The following CTNND2 variants were observed in gnomAD, a reference collection of about 807,000 sequenced individuals.
CTNND2 encodes the protein catenin delta-2.
A neutral mutation model predicts 144.4 loss-of-function variants in CTNND2; 22 were observed. The ratio of observed to expected loss-of-function variants is 0.15; its 90% CI spans 0.11 to 0.22. CTNND2 has a LOEUF of 0.22. CTNND2 is among the 10% of genes least tolerant of loss of function. The pLI is 1.00. For synonymous variants in CTNND2, 751 were observed against 695.6 expected (o/e 1.08, Z -1.25); for missense variants, 1,353 against 1,618.8 (o/e 0.84, Z 2.82).
chr5:11,122,809 G>A (rs138767342), intron 12 of CTNND2, among the ~76,000 whole-genome samples: 15 of 152,060 alleles, frequency 9.9e-5, no homozygotes, highest in African/African-American at 2.7e-4. Flanking sequence ...GCACCGTCCC[G>A]TCGAAAAATG....
intron 2 of CTNND2, among the ~76,000 whole-genome samples, chr5:11,704,930 CAA>C (rs1310137869): frequency 2.0e-5 from 3 of 151,668 alleles, no homozygotes; most frequent in Admixed American, 6.6e-5. Flanking sequence ...TAAGGACACA[CAA>C]AGTCAGTGTG....
chr5:11,685,663 TC>T (rs1378553800), intron 2 of CTNND2, among the ~76,000 whole-genome samples: 1 of 152,190 alleles, frequency 6.6e-6, no homozygotes, highest in Non-Finnish European at 1.5e-5. Context: ...TAAGTTAAAT[TC>T]CATCAACAAA....
At chr5:11,204,616 T>C (rs1004489137) in intron 10 of CTNND2, among the ~76,000 whole-genome samples, 1 of 152,214 alleles carries the variant, frequency 6.6e-6, no homozygotes, top group Non-Finnish European at 1.5e-5. Flanking sequence ...CAATAGCATA[T>C]ATTTGCCAAT....
intron 2 of CTNND2, among the ~76,000 whole-genome samples, chr5:11,711,158 T>G (rs1786007774): frequency 6.6e-6 from 1 of 152,084 alleles, no homozygotes; most frequent in Non-Finnish European, 1.5e-5. Flanking sequence ...TGGGTTCAAG[T>G]GATTCTCCTG....
chr5:11,258,590 T>A (rs890738521), intron 9 of CTNND2, among the ~76,000 whole-genome samples: 6 of 152,230 alleles, frequency 3.9e-5, no homozygotes, highest in Admixed American at 2.0e-4. Flanking sequence ...TCGCTTTGTC[T>A]ACTCTTTTCA....
At chr5:11,822,322 C>A (rs982867802) in intron 1 of CTNND2, among the ~76,000 whole-genome samples, 7 of 152,184 alleles carry the variant, frequency 4.6e-5, no homozygotes, top group African/African-American at 1.7e-4. Flanking sequence ...AATAGTAATA[C>A]CTTTGGTTGA....
chr5:11,378,009 C>T (rs1035967120), intron 7 of CTNND2, among the ~76,000 whole-genome samples: 8 of 152,140 alleles, frequency 5.3e-5, no homozygotes, highest in African/African-American at 1.7e-4. Flanking sequence ...TCAGCAAAGG[C>T]AGACCTCATG....
rs542915851 is a variant in CTNND2 at position 11,673,345 on chromosome 5, T to C, written c.174+58791A>G. 2.7e-3 allele frequency among the ~76,000 whole-genome samples: 416 copies of C among 152,332 alleles called. 3 individuals carry two copies. Among genetic ancestry groups the C allele is most frequent in the African/African-American group, 9.5e-3 (394 of 41,580 alleles). On this transcript the variant is annotated intron_variant, in intron 2 of 21. Transcript: ENST00000304623. ...TTCTCTCTCAATTAATTTATAGATATAGCTATTATTACGCAGATGAATATC... is the reference window on the plus strand; with the variant it reads ...TTCTCTCTCAATTAATTTATAGATACAGCTATTATTACGCAGATGAATATC...
intron 1 of CTNND2, among the ~76,000 whole-genome samples, chr5:11,876,408 T>C (rs1238666762): frequency 1.3e-5 from 2 of 152,068 alleles, no homozygotes; most frequent in Non-Finnish European, 2.9e-5. Flanking sequence ...GGGTCAAAGG[T>C]GACTTGGGTC....
chr5:11,430,266 A>G (rs1763165569), intron 3 of CTNND2, among the ~76,000 whole-genome samples: 1 of 148,826 alleles, frequency 6.7e-6, no homozygotes, highest in Non-Finnish European at 1.5e-5. Flanking sequence ...AAAAAAAAAA[A>G]AAAAGGAGTT....
intron 16 of CTNND2, among the ~76,000 whole-genome samples, chr5:11,057,463 T>A (rs915459896): frequency 1.3e-5 from 2 of 152,264 alleles, no homozygotes; most frequent in Admixed American, 6.5e-5. Context: ...TCTTTTTGCC[T>A]GCTGCCATCC....
At chr5:11,134,622 G>C (rs548107666) in intron 12 of CTNND2, among the ~76,000 whole-genome samples, 1 of 152,146 alleles carries the variant, frequency 6.6e-6, no homozygotes. Flanking sequence ...GATAAACATC[G>C]TTTCTTCAGA....
chr5:11,747,537 C>G (rs1020533480), intron 1 of CTNND2, among the ~76,000 whole-genome samples: 1 of 152,114 alleles, frequency 6.6e-6, no homozygotes. Context: ...CTGTAGACTT[C>G]GAATCCATCT....
chr5:11,757,368 T>C (rs1789010142), intron 1 of CTNND2, among the ~76,000 whole-genome samples: 1 of 151,918 alleles, frequency 6.6e-6, no homozygotes, highest in Admixed American at 6.6e-5. Flanking sequence ...CCTCTACAAA[T>C]ACTTTTTTCA....
At chr5:11,397,784 C>T (rs988540464) in intron 5 of CTNND2, among the ~76,000 whole-genome samples, 5 of 152,184 alleles carry the variant, frequency 3.3e-5, no homozygotes, top group South Asian at 2.1e-4. Flanking sequence ...CCTTTACCAT[C>T]CCAGCAGTGC....
chr5:11,662,847 T>A (rs1195251784), intron 2 of CTNND2, among the ~76,000 whole-genome samples: 1 of 152,114 alleles, frequency 6.6e-6, no homozygotes, highest in Admixed American at 6.6e-5. Context: ...AAAACTGTCT[T>A]CCGCAAAACT....
At chr5:11,540,404 C>T (rs1001273328) in intron 3 of CTNND2, among the ~76,000 whole-genome samples, 2 of 152,166 alleles carry the variant, frequency 1.3e-5, no homozygotes, top group Admixed American at 1.3e-4. Context: ...CTTGTGAGTA[C>T]TTAATCATTT....
chr5:11,465,680 C>G (rs149548162), intron 3 of CTNND2, among the ~76,000 whole-genome samples: 30 of 152,224 alleles, frequency 2.0e-4, no homozygotes, highest in African/African-American at 6.7e-4. Context: ...GGGCACAGAC[C>G]CTGAAAATAT....
Position 11,393,613 on chromosome 5 carries a change from C to G in CTNND2, c.612+3418G>C, listed in dbSNP as rs79004233. Among the ~76,000 whole-genome samples the G allele has an allele frequency of 4.9e-4, 74 of 152,212 alleles. No homozygotes were observed. The East Asian group carries it at 0.013, about 27-fold the overall frequency. ...AAGCCAACTTCTTTATCTTCTAGCCCACCCACAAACCAGCACAGAATAATT... is the reference window on the plus strand; with the variant it reads ...AAGCCAACTTCTTTATCTTCTAGCCGACCCACAAACCAGCACAGAATAATT... On this transcript the variant is annotated intron_variant, in intron 6 of 21. Transcript: ENST00000304623.
Sources: gnomAD v4.1 joint callset for allele counts (sites outside exome capture counted in the v4.1 genomes callset) on GRCh38, gnomAD v4.1.1 for gene constraint, MANE v1.5 for transcripts, NCBI Gene and HGNC (gene_info 2026-07-23, HGNC 2026-07-21) for gene names.